PRELID2: variants seen among roughly 807,000 people sequenced by gnomAD.
PRELID2 encodes the protein PRELI domain-containing protein 2.
PRELID2 carries 25 observed loss-of-function variants against 28.4 expected under a neutral mutation model. The observed-to-expected ratio is 0.88, with a 90% CI of 0.64 to 1.23. The LOEUF (loss-of-function observed/expected upper bound fraction) is 1.23, where lower values mean the gene tolerates loss of function less well. Among genes scored for constraint, PRELID2 ranks in the 50% most tolerant of loss-of-function variants. The pLI, the probability that PRELID2 is intolerant of heterozygous loss-of-function variation, is 0.00. For synonymous variants in PRELID2, 76 were observed against 71.6 expected (o/e 1.06, Z -0.31); for missense variants, 201 against 214.4 (o/e 0.94, Z 0.39).
At chr5:145,628,856 C>T (rs577542862) in intron 1 of PRELID2, among the ~76,000 whole-genome samples, 1 of 152,252 alleles carries the variant, frequency 6.6e-6, no homozygotes, top group Non-Finnish European at 1.5e-5. Context: ...CCACCACAGC[C>T]CACGTGGAAA....
chr5:145,463,192 G>A, the PRELID2 span, among the ~76,000 whole-genome samples: 30 of 151,854 alleles, frequency 2.0e-4, no homozygotes, highest in Admixed American at 7.9e-4. Context: ...TAATTTTACC[G>A]ACATAATTTT....
the PRELID2 span, among the ~76,000 whole-genome samples, chr5:145,295,367 T>C: frequency 6.6e-6 from 1 of 152,068 alleles, no homozygotes; most frequent in Admixed American, 6.6e-5. Flanking sequence ...AGGAGGGTGG[T>C]TTAAGTCAGT....
At chr5:145,555,901 G>A (rs1752876076) in intron 1 of PRELID2, among the ~76,000 whole-genome samples, 2 of 152,020 alleles carry the variant, frequency 1.3e-5, no homozygotes, top group Non-Finnish European at 2.9e-5. Flanking sequence ...TAAAACTTGT[G>A]CTCAGGCCAG....
At chr5:145,291,865 C>G in the PRELID2 span, among the ~76,000 whole-genome samples, 1 of 152,166 alleles carries the variant, frequency 6.6e-6, no homozygotes, top group African/African-American at 2.4e-5. Context: ...GTTCCAACAT[C>G]ATTTACTGAA....
At chr5:145,451,638 T>A in the PRELID2 span, among the ~76,000 whole-genome samples, 2 of 152,080 alleles carry the variant, frequency 1.3e-5, 1 homozygote, top group Admixed American at 1.3e-4. Context: ...CTATTATGGG[T>A]ATATGTTGAG....
intron 1 of PRELID2, among the ~76,000 whole-genome samples, chr5:145,619,662 A>T (rs62394220): frequency 0.021 from 3,172 of 152,120 alleles, 51 homozygotes; most frequent in African/African-American, 0.037. Context: ...TCATGATGTG[A>T]GCCTCCCCCT....
At chr5:145,690,925 CA>C (rs1475740727) in intron 1 of PRELID2, among the ~76,000 whole-genome samples, 1 of 151,068 alleles carries the variant, frequency 6.6e-6, no homozygotes, top group Non-Finnish European at 1.5e-5. Context: ...CAAAGAAATG[CA>C]AATTACAATG....
chr5:145,357,304 C>A, the PRELID2 span, among the ~76,000 whole-genome samples: 1 of 152,130 alleles, frequency 6.6e-6, no homozygotes, highest in Non-Finnish European at 1.5e-5. Context: ...TTAAAGAAAT[C>A]TTTGTGGAGG....
chr5:145,293,434 G>C, the PRELID2 span, among the ~76,000 whole-genome samples: 3 of 152,274 alleles, frequency 2.0e-5, no homozygotes, highest in South Asian at 6.2e-4. Context: ...ATCCTAGATA[G>C]TAGCTACATA....
exon 2 of PRELID2, chr5:145,473,250 C>T (rs1351202293): frequency 6.6e-6 from 1 of 152,146 alleles, no homozygotes; most frequent in Admixed American, 6.5e-5. Context: ...AACACAGGCT[C>T]TTGATGACTG....
the PRELID2 span, among the ~76,000 whole-genome samples, chr5:145,335,822 G>A: frequency 6.6e-6 from 1 of 152,150 alleles, no homozygotes; most frequent in African/African-American, 2.4e-5. Context: ...GGTATTTCTA[G>A]TTCTAGATCC....
chr5:145,752,649 C>T (rs1757154549), downstream of PRELID2, among the ~76,000 whole-genome samples: 1 of 152,182 alleles, frequency 6.6e-6, no homozygotes, highest in South Asian at 2.1e-4. Context: ...CTCATCTAGT[C>T]AGTGACAGCT....
chr5:145,231,991 C>T, the PRELID2 span, among the ~76,000 whole-genome samples: 1 of 152,070 alleles, frequency 6.6e-6, no homozygotes, highest in African/African-American at 2.4e-5. Context: ...ACCTCTCTCT[C>T]TGTGTCTTGC....
chr5:145,411,573 A>C, the PRELID2 span, among the ~76,000 whole-genome samples: 1 of 152,140 alleles, frequency 6.6e-6, no homozygotes, highest in East Asian at 1.9e-4. Flanking sequence ...AGCTGCTTTC[A>C]TGGGCTGACA....
At chr5:145,261,848 A>G in the PRELID2 span, among the ~76,000 whole-genome samples, 2 of 152,222 alleles carry the variant, frequency 1.3e-5, no homozygotes, top group Non-Finnish European at 2.9e-5. Context: ...GAAATCTCTG[A>G]ATTGCCAGAA....
At chr5:145,670,332 C>T (rs766763179) in intron 1 of PRELID2, among the ~76,000 whole-genome samples, 3 of 151,988 alleles carry the variant, frequency 2.0e-5, no homozygotes, top group Non-Finnish European at 2.9e-5. Context: ...GAGAACTCAC[C>T]CAATCTTATG....
chr5:145,288,264 T>A, the PRELID2 span, among the ~76,000 whole-genome samples: 1 of 152,152 alleles, frequency 6.6e-6, no homozygotes, highest in Non-Finnish European at 1.5e-5. Context: ...GAGATTTAAC[T>A]ATTTACTCAA....
intron 1 of PRELID2, among the ~76,000 whole-genome samples, chr5:145,496,383 T>G (rs1342153118): frequency 6.6e-6 from 1 of 152,080 alleles, no homozygotes; most frequent in Non-Finnish European, 1.5e-5. Context: ...TACATAACAT[T>G]GAAAGCTACC....
At chr5:145,424,094 C>T in the PRELID2 span, among the ~76,000 whole-genome samples, 3 of 151,144 alleles carry the variant, frequency 2.0e-5, no homozygotes, top group African/African-American at 7.3e-5. Context: ...TCTGCCTGTT[C>T]TCAGATCTCC....
Sources: gnomAD v4.1 joint callset for allele counts (sites outside exome capture counted in the v4.1 genomes callset) on GRCh38, gnomAD v4.1.1 for gene constraint, MANE v1.5 for transcripts, NCBI Gene and HGNC (gene_info 2026-07-23, HGNC 2026-07-21) for gene names.